HNRNPLL: variants seen among roughly 807,000 people sequenced by gnomAD.
HNRNPLL encodes the protein heterogeneous nuclear ribonucleoprotein L-like.
In HNRNPLL, 25 loss-of-function variants were observed where a neutral mutation model predicts 67.1. That is an observed-to-expected ratio of 0.37 (90% CI 0.27 to 0.52). The LOEUF is 0.52. HNRNPLL is among the 20% of genes least tolerant of loss of function. The probability of loss-of-function intolerance (pLI) is 0.90; values close to 1 mark genes in which losing one functional copy is unlikely to be tolerated. For synonymous variants in HNRNPLL, 267 were observed against 241.7 expected, an observed-to-expected ratio of 1.10 and a Z score of -0.97; for missense variants, 542 against 673.9, an observed-to-expected ratio of 0.80 and a Z score of 2.17.
In HNRNPLL at chr2:38,585,875, C is replaced by T; in HGVS notation, c.315G>A (p.Val105=). Residue 105 remains valine (V), a synonymous_variant, in exon 3 of 13, where the codon GTG becomes GTA. Transcript: ENST00000449105. ...CCTGTCGTTTAAATGGCATCATCAT[C>T]ACATAGCTGAAAAGGGAGAAAAGGA... ...ALEKFGTICY[V]MMMPFKRQAL... is the part of the protein sequence containing the mutation. 1 of 1,588,696 alleles carries T rather than the reference C, an allele frequency of 6.3e-7. No homozygotes were observed. Among genetic ancestry groups the T allele is most frequent in the East Asian group, 2.2e-5 (1 of 44,764 alleles).
intron 10 of HNRNPLL, 87 bp downstream of exon 10, chr2:38,569,046 G>A (rs1191635391): frequency 1.5e-5 from 14 of 932,622 alleles, no homozygotes; most frequent in East Asian, 1.2e-4. Context: ...GCAAAAGAAT[G>A]AGCAAAACGA....
At chr2:38,589,747 T>C (rs367728787) in intron 2 of HNRNPLL, among the ~76,000 whole-genome samples, 43 of 152,340 alleles carry the variant, frequency 2.8e-4, no homozygotes, top group African/African-American at 8.9e-4. Context: ...CTTCATGTCA[T>C]GGTACTAATT....
At chr2:38,582,793 G>A (rs1431406683) in intron 4 of HNRNPLL, among the ~76,000 whole-genome samples, 1 of 151,638 alleles carries the variant, frequency 6.6e-6, no homozygotes, top group Non-Finnish European at 1.5e-5. Context: ...GGTGGCAGGT[G>A]CCTGTCATCC....
intron 3 of HNRNPLL, among the ~76,000 whole-genome samples, chr2:38,584,739 G>A (rs547425611): frequency 2.0e-5 from 3 of 152,090 alleles, no homozygotes; most frequent in African/African-American, 7.2e-5. Context: ...TAAACAAGAC[G>A]CCTGAGTCAT....
Position 38,562,998 on chromosome 2 carries a change from G to A in HNRNPLL, c.*1184C>T, listed in dbSNP as rs931152416. On this transcript the variant is annotated 3_prime_UTR_variant, in exon 13 of 13. Transcript: ENST00000449105. ...TCAACTACTGATATCAGTTATTCTA[G>A]GTAGATGACACATATTCTCCCTTCT... 1 of 151,964 alleles carries A rather than the reference G, an allele frequency of 6.6e-6. No homozygotes were observed. The highest frequency in any genetic ancestry group is 1.5e-5 in the Non-Finnish European group (1 of 67,916). The allele number at this position is 151,964 out of a possible 1,614,324, so 9.4% of individuals were successfully genotyped here.
intron 3 of HNRNPLL, among the ~76,000 whole-genome samples, chr2:38,584,186 G>A (rs977916475): frequency 1.3e-5 from 2 of 152,048 alleles, no homozygotes; most frequent in East Asian, 1.9e-4. Flanking sequence ...TCAGCCTCCC[G>A]AGTAGCTGAG....
chr2:38,564,302 CAGAGTA>C (rs1486819288), intron 12 of HNRNPLL, 65 bp from the exon 13 acceptor site: 2 of 850,734 alleles, frequency 2.4e-6, no homozygotes, highest in East Asian at 4.9e-5. Flanking sequence ...CTTGAAGTAT[CAGAGTA>C]AATTACTTCA....
intron 1 of HNRNPLL, among the ~76,000 whole-genome samples, chr2:38,597,588 C>T (rs1667248605): frequency 6.6e-6 from 1 of 152,138 alleles, no homozygotes; most frequent in Admixed American, 6.5e-5. Flanking sequence ...ACATCTAAAA[C>T]ATAGGGAAAC....
intron 1 of HNRNPLL, among the ~76,000 whole-genome samples, chr2:38,594,178 AAAAAACC>A (rs1205694132): frequency 2.0e-5 from 3 of 152,212 alleles, no homozygotes; most frequent in Non-Finnish European, 2.9e-5. Flanking sequence ...CCATCTCAAA[AAAAAACC>A]AAAAACCAAA....
intron 6 of HNRNPLL, among the ~76,000 whole-genome samples, chr2:38,578,827 A>G (rs1315187576): frequency 6.6e-6 from 1 of 152,088 alleles, no homozygotes; most frequent in African/African-American, 2.4e-5. Flanking sequence ...TTACAGACTT[A>G]GTCGTTGGCC....
chr2:38,584,973 A>G (rs867229176), intron 3 of HNRNPLL, among the ~76,000 whole-genome samples: 5 of 152,220 alleles, frequency 3.3e-5, no homozygotes, highest in South Asian at 4.1e-4. Flanking sequence ...TTAAATCTAA[A>G]GAATATCTTA....
intron 1 of HNRNPLL, among the ~76,000 whole-genome samples, chr2:38,598,214 G>A (rs1330639502): frequency 6.6e-6 from 1 of 152,094 alleles, no homozygotes; most frequent in Non-Finnish European, 1.5e-5. Context: ...GGGGGAAGAG[G>A]GGAAGATCAA....
chr2:38,600,895 G>C (rs938970709), intron 1 of HNRNPLL, among the ~76,000 whole-genome samples: 1 of 152,084 alleles, frequency 6.6e-6, no homozygotes, highest in African/African-American at 2.4e-5. Context: ...TAATACTATT[G>C]ATTTAATGCT....
At chr2:38,591,432 A>G (rs1166575225) in intron 2 of HNRNPLL, 98 bp downstream of exon 2, 2 of 748,104 alleles carry the variant, frequency 2.7e-6, no homozygotes, top group East Asian at 2.5e-5. Flanking sequence ...TATATATACA[A>G]ACAATATTTA....
chr2:38,585,959 C>G (rs957495833), intron 2 of HNRNPLL, 78 bp from the exon 3 acceptor site: 10 of 878,252 alleles, frequency 1.1e-5, no homozygotes, highest in Non-Finnish European at 1.7e-5. Flanking sequence ...TAAGTAAAAG[C>G]AGACTTTAAT....
At chr2:38,571,378 G>A (rs1418278401) in intron 8 of HNRNPLL, among the ~76,000 whole-genome samples, 1 of 152,164 alleles carries the variant, frequency 6.6e-6, no homozygotes, top group African/African-American at 2.4e-5. Context: ...CTGTGGATAA[G>A]GGAGGACTCC....
At chr2:38,568,970 A>C (rs1466069344) in intron 10 of HNRNPLL, among the ~76,000 whole-genome samples, 163 bp downstream of exon 10, 1 of 152,228 alleles carries the variant, frequency 6.6e-6, no homozygotes, top group African/African-American at 2.4e-5. Flanking sequence ...TGGAGGCCAG[A>C]AAAGTACAAT....
rs748030288 is a variant in HNRNPLL, at chr2:38,568,244, C to T, written c.1528G>A (p.Val510Ile). ...LLEWECKTDAVEALTALNHYQ... is the reference protein window; with the variant it reads ...LLEWECKTDAIEALTALNHYQ... ...TGATTCAGTGCCGTAAGGGCTTCTA[C>T]TGCATCAGTTTTGCACTCCCATTCT... The change falls in exon 12 of 13, where the codon GTA becomes ATA. Residue 510 changes from valine to isoleucine, a missense_variant. By Grantham distance (29) the Val-to-Ile change is conservative. Coordinates refer to ENST00000449105, the MANE Select transcript of HNRNPLL (RefSeq NM_138394.4). 8 of 1,613,628 alleles carry T rather than the reference C, an allele frequency of 5.0e-6. No homozygotes were observed. The highest frequency in any genetic ancestry group is 6.8e-6 in the Non-Finnish European group (8 of 1,179,662).
Position 38,568,385 on chromosome 2 carries a change from C to T in HNRNPLL, c.1474+1G>A, listed in dbSNP as rs756075635. ...CTTTAAAAGAGGGACTGTTCACTTA[C>T]GTTTTGCATCAAACACTTTATATTT... On this transcript the variant is annotated splice_donor_variant, in intron 11 of 12. Coordinates refer to ENST00000449105, the MANE Select transcript of HNRNPLL (RefSeq NM_138394.4). LOFTEE classifies it high-confidence loss of function. 2 of 1,608,104 alleles carry T rather than the reference C, an allele frequency of 1.2e-6. No individual in the cohort carries two copies. Among genetic ancestry groups the T allele is most frequent in the Non-Finnish European group, 1.7e-6 (2 of 1,175,218 alleles).
Sources: allele counts gnomAD v4.1 joint callset (sites outside exome capture counted in the v4.1 genomes callset), GRCh38; gene constraint gnomAD v4.1.1; transcripts MANE v1.5; gene names NCBI Gene and HGNC (gene_info 2026-07-23, HGNC 2026-07-21).